CIMIP6: variants seen among roughly 807,000 people sequenced by gnomAD.
CIMIP6 encodes ciliary microtubule inner protein 6.
At chr2:54,343,302 T>A in the CIMIP6 span, among the ~76,000 whole-genome samples, 1 of 152,194 alleles carries the variant, frequency 6.6e-6, no homozygotes. Context: ...CTAAAACTTC[T>A]GAAAACCACT....
At chr2:54,369,408 A>G in the CIMIP6 span, among the ~76,000 whole-genome samples, 1 of 152,210 alleles carries the variant, frequency 6.6e-6, no homozygotes, top group East Asian at 1.9e-4. Context: ...AGTTCATCTC[A>G]TCTACATGAA....
At chr2:54,374,303 A>G in the CIMIP6 span, among the ~76,000 whole-genome samples, 1 of 152,204 alleles carries the variant, frequency 6.6e-6, no homozygotes, top group Non-Finnish European at 1.5e-5. Flanking sequence ...CTTTAATGAG[A>G]TATTTTAAGT....
the CIMIP6 span, among the ~76,000 whole-genome samples, chr2:54,372,827 G>C: frequency 6.6e-6 from 1 of 152,198 alleles, no homozygotes. Context: ...TTGCTGCTCT[G>C]TTTGGGGTCC....
the CIMIP6 span, among the ~76,000 whole-genome samples, chr2:54,355,789 T>G: frequency 6.6e-6 from 1 of 152,238 alleles, no homozygotes; most frequent in African/African-American, 2.4e-5. Flanking sequence ...CTGTTCTTGT[T>G]CGTATTAACA....
chr2:54,350,699 A>G, the CIMIP6 span, among the ~76,000 whole-genome samples: 1 of 152,234 alleles, frequency 6.6e-6, no homozygotes, highest in Non-Finnish European at 1.5e-5. Flanking sequence ...TGGGGCCACC[A>G]ATTTAACAGA....
the CIMIP6 span, among the ~76,000 whole-genome samples, chr2:54,352,343 T>A: frequency 6.6e-6 from 1 of 152,192 alleles, no homozygotes; most frequent in East Asian, 1.9e-4. Flanking sequence ...CAGTCTTTAC[T>A]TGTTACACTA....
At chr2:54,382,937 A>T in the CIMIP6 span, 1 of 152,094 alleles carries the variant, frequency 6.6e-6, no homozygotes, top group Non-Finnish European at 1.5e-5. Context: ...TACGGCGGAG[A>T]TGGCAGTATA....
the CIMIP6 span, chr2:54,360,241 C>T: frequency 1.9e-6 from 3 of 1,605,766 alleles, no homozygotes; most frequent in South Asian, 2.2e-5. Context: ...TAAAACCAGG[C>T]AGTAGGCCAA....
chr2:54,344,154 C>A, the CIMIP6 span, among the ~76,000 whole-genome samples: 1 of 152,224 alleles, frequency 6.6e-6, no homozygotes, highest in Admixed American at 6.5e-5. Flanking sequence ...ATTGTTGTTG[C>A]CACCACATTT....
chr2:54,360,217 T>C, the CIMIP6 span: 2 of 1,580,912 alleles, frequency 1.3e-6, no homozygotes, highest in Non-Finnish European at 8.6e-7. Flanking sequence ...ACGGAGCTTT[T>C]GTACAGAGAG....
chr2:54,380,887 G>A, the CIMIP6 span, among the ~76,000 whole-genome samples: 33 of 152,318 alleles, frequency 2.2e-4, no homozygotes, highest in East Asian at 4.8e-3. Context: ...TCAAAACAGT[G>A]TTTCTGTGGC....
chr2:54,379,514 G>T, the CIMIP6 span, among the ~76,000 whole-genome samples: 1 of 152,224 alleles, frequency 6.6e-6, no homozygotes, highest in East Asian at 1.9e-4. Flanking sequence ...TGATTCTTAA[G>T]TAGTCTAAGT....
the CIMIP6 span, among the ~76,000 whole-genome samples, chr2:54,382,749 C>A: frequency 6.6e-6 from 1 of 152,180 alleles, no homozygotes; most frequent in South Asian, 2.1e-4. Context: ...TTAATTGGAC[C>A]ATGTGGCGGA....
At chr2:54,351,285 G>A in the CIMIP6 span, among the ~76,000 whole-genome samples, 1 of 152,122 alleles carries the variant, frequency 6.6e-6, no homozygotes, top group African/African-American at 2.4e-5. Flanking sequence ...ACATTACTGG[G>A]TATATACCCA....
the CIMIP6 span, chr2:54,360,463 G>C: frequency 6.3e-7 from 1 of 1,582,232 alleles, no homozygotes; most frequent in Non-Finnish European, 8.6e-7. Context: ...GCACTCCTGA[G>C]AGCAGAGAAA....
At chr2:54,343,765 C>T in the CIMIP6 span, 5 of 1,611,646 alleles carry the variant, frequency 3.1e-6, no homozygotes, top group East Asian at 8.9e-5. Context: ...TGTCTTCCTA[C>T]CACCTTACGA....
chr2:54,379,643 C>T, the CIMIP6 span, among the ~76,000 whole-genome samples: 2 of 151,582 alleles, frequency 1.3e-5, no homozygotes, highest in African/African-American at 4.9e-5. Context: ...TTGAGACCAG[C>T]CTGGGCAACA....
the CIMIP6 span, chr2:54,330,928 C>T: frequency 2.5e-6 from 4 of 1,596,690 alleles, no homozygotes; most frequent in East Asian, 6.7e-5. Flanking sequence ...AGGGCTGCGT[C>T]CCTGTTCTTC....
chr2:54,381,795 A>G, the CIMIP6 span: 1 of 1,504,114 alleles, frequency 6.6e-7, no homozygotes, highest in Non-Finnish European at 8.8e-7. Context: ...ATTGTAAACC[A>G]TCAGACTTTT....
Sources: allele counts gnomAD v4.1 joint callset (sites outside exome capture counted in the v4.1 genomes callset), GRCh38; gene constraint gnomAD v4.1.1; transcripts MANE v1.5; gene names NCBI Gene and HGNC (gene_info 2026-07-23, HGNC 2026-07-21).